The following ACCSL variants were observed in gnomAD, a reference collection of about 807,000 sequenced individuals.
The protein encoded by ACCSL is probable inactive 1-aminocyclopropane-1-carboxylate synthase-like protein 2.
Under a neutral mutation model 61.7 loss-of-function variants are expected in ACCSL, and 55 were observed. That is an observed-to-expected ratio of 0.89 (90% confidence interval 0.72 to 1.12). The LOEUF is 1.12. Ranked by LOEUF, ACCSL falls within the 50% of genes most tolerant of loss-of-function variation. The pLI, the probability that ACCSL is intolerant of heterozygous loss-of-function variation, is 0.00. For synonymous variants in ACCSL, 258 were observed against 264.3 expected, an observed-to-expected ratio of 0.98 and a Z score of 0.23; for missense variants, 632 against 698.0, an observed-to-expected ratio of 0.91 and a Z score of 1.07.
At chr11:44,051,225 G>A (rs1268866864) in intron 3 of ACCSL, 110 bp from the exon 4 acceptor site, 6 of 1,040,050 alleles carry the variant, frequency 5.8e-6, no homozygotes, top group Non-Finnish European at 9.1e-6. Flanking sequence ...CCTGTAATAT[G>A]AGGTTGGACT....
upstream of ACCSL, among the ~76,000 whole-genome samples, chr11:44,044,995 A>T (rs138971123): frequency 6.6e-6 from 1 of 152,294 alleles, no homozygotes; most frequent in Non-Finnish European, 1.5e-5. Context: ...GGTACCAGAC[A>T]ACTTAGGGCT....
chr11:44,026,776 C>T, the ACCSL span, among the ~76,000 whole-genome samples: 1 of 151,974 alleles, frequency 6.6e-6, no homozygotes, highest in Non-Finnish European at 1.5e-5. Context: ...GTTGCCCAAG[C>T]TGGAGTGCAA....
At chr11:43,943,853 A>G in the ACCSL span, 13 of 1,279,610 alleles carry the variant, frequency 1.0e-5, no homozygotes, top group Non-Finnish European at 1.3e-5. This position sits in a 1 kb window ranked among gnomAD's most constrained non-coding sequence, Gnocchi z 4.8. Flanking sequence ...CTGAAAGGAG[A>G]CAAATAAAGT....
At chr11:43,943,496 C>A in the ACCSL span, 1 of 1,377,786 alleles carries the variant, frequency 7.3e-7, no homozygotes, top group Non-Finnish European at 9.6e-7. The surrounding 1 kb of genome is among the most constrained non-coding windows in gnomAD (Gnocchi z 4.8). Flanking sequence ...TTTCCTCGTC[C>A]TTGTAAATGT....
chr11:43,930,968 C>T, the ACCSL span, among the ~76,000 whole-genome samples: 1 of 152,146 alleles, frequency 6.6e-6, no homozygotes, highest in Non-Finnish European at 1.5e-5. Context: ...TTGTACAGCC[C>T]GTTGATGAGC....
At chr11:44,045,605 C>T (rs1952593128), upstream of ACCSL, among the ~76,000 whole-genome samples, 1 of 152,194 alleles carries the variant, frequency 6.6e-6, no homozygotes, top group Non-Finnish European at 1.5e-5. Context: ...GCCTACTAGG[C>T]CACACTGGCC....
chr11:44,033,867 G>C, the ACCSL span, among the ~76,000 whole-genome samples: 2 of 152,200 alleles, frequency 1.3e-5, no homozygotes, highest in Admixed American at 6.5e-5. Context: ...TTGGATGCTG[G>C]TGGCATCCTA....
chr11:44,043,093 G>T (rs770963848), upstream of ACCSL, among the ~76,000 whole-genome samples: 1 of 151,964 alleles, frequency 6.6e-6, no homozygotes, highest in South Asian at 2.1e-4. Context: ...AAAAATAAAC[G>T]TATTTAGCTA....
At chr11:43,927,149 TTCTAC>T in the ACCSL span, among the ~76,000 whole-genome samples, 1 of 152,382 alleles carries the variant, frequency 6.6e-6, no homozygotes, top group South Asian at 2.1e-4. Flanking sequence ...TGGGGCCTTT[TTCTAC>T]TTAGGTACAT....
the ACCSL span, among the ~76,000 whole-genome samples, chr11:43,965,626 T>G: frequency 1.1e-4 from 17 of 152,186 alleles, no homozygotes; most frequent in Non-Finnish European, 2.2e-4. Context: ...ATAATTCATG[T>G]AGAATTGCAA....
the ACCSL span, among the ~76,000 whole-genome samples, chr11:44,038,475 A>C: frequency 3.0e-3 from 451 of 152,328 alleles, 3 homozygotes; most frequent in East Asian, 0.031. Flanking sequence ...TATAAGCAGG[A>C]ATGCGCAGAG....
chr11:43,967,167 CTTTTTTTTTTTTTT>C, the ACCSL span, among the ~76,000 whole-genome samples: 3 of 62,694 alleles, frequency 4.8e-5, no homozygotes, highest in East Asian at 5.8e-4. Context: ...TCTTCTTCTT[CTTTTTTTTTTTTTT>C]TTTTTTTTTT....
At chr11:43,950,570 A>T in the ACCSL span, among the ~76,000 whole-genome samples, 1 of 152,132 alleles carries the variant, frequency 6.6e-6, no homozygotes, top group African/African-American at 2.4e-5. Flanking sequence ...TACATCCCAG[A>T]TTCTCTTGTG....
chr11:44,055,995 A>T (rs963482870), intron 9 of ACCSL, 45 bp from the exon 10 acceptor site: 1 of 1,610,926 alleles, frequency 6.2e-7, no homozygotes, highest in African/African-American at 1.3e-5. Context: ...ATCTTCATCA[A>T]CTATTTCTCT....
the ACCSL span, among the ~76,000 whole-genome samples, chr11:44,006,852 T>G: frequency 1.3e-5 from 2 of 152,288 alleles, no homozygotes; most frequent in Non-Finnish European, 2.9e-5. Flanking sequence ...TTCAGCATGA[T>G]GCCTGGCAGG....
At chr11:44,056,463 T>C in intron 11 of ACCSL, 137 bp downstream of exon 11, 1 of 1,241,184 alleles carries the variant, frequency 8.1e-7, no homozygotes, top group Non-Finnish European at 1.1e-6. Context: ...TGTGGTAAGA[T>C]GTGAGGTTTG....
chr11:43,958,223 C>T, the ACCSL span, among the ~76,000 whole-genome samples: 2 of 152,220 alleles, frequency 1.3e-5, no homozygotes, highest in Non-Finnish European at 2.9e-5. Flanking sequence ...TCCCTAATTA[C>T]TCTTGAAGGT....
At chr11:43,943,300 C>G in the ACCSL span, 6 of 1,455,964 alleles carry the variant, frequency 4.1e-6, no homozygotes, top group East Asian at 8.9e-5. This position sits in a 1 kb window ranked among gnomAD's most constrained non-coding sequence, Gnocchi z 4.8. Flanking sequence ...GGGGGACGCG[C>G]GCGTCCGCGG....
the ACCSL span, among the ~76,000 whole-genome samples, chr11:44,036,400 G>A: frequency 6.6e-6 from 1 of 152,326 alleles, no homozygotes. Flanking sequence ...CCTCAGTTTT[G>A]TTACCTATAA....
Sources: gnomAD v4.1 joint callset for allele counts (sites outside exome capture counted in the v4.1 genomes callset) on GRCh38, gnomAD v4.1.1 for gene constraint, Gnocchi (gnomAD v3.1) non-coding constraint, MANE v1.5 for transcripts, NCBI Gene and HGNC (gene_info 2026-07-23, HGNC 2026-07-21) for gene names.